The following OPCML variants were observed in gnomAD, a reference collection of about 807,000 sequenced individuals.
OPCML encodes the protein opioid binding protein/cell adhesion molecule like, also known as opioid-binding protein/cell adhesion molecule.
A neutral mutation model predicts 37.8 loss-of-function variants in OPCML; 13 were observed. The observed-to-expected ratio is 0.34, with a 90% confidence interval of 0.22 to 0.55. OPCML has a LOEUF of 0.55. Ranked by LOEUF, OPCML falls within the 20% of genes least tolerant of loss-of-function variation. OPCML has a pLI of 0.91. For synonymous variants in OPCML, 176 were observed against 168.8 expected (o/e 1.04, Z -0.33); for missense variants, 341 against 435.6 (o/e 0.78, Z 1.93).
intron 1 of OPCML, chr11:133,420,994 G>A (rs2136893646): frequency 1.0e-6 from 1 of 985,310 alleles, no homozygotes; most frequent in Non-Finnish European, 1.2e-6. Flanking sequence ...AAAGCTGCAG[G>A]AGCCTAGAAT....
intron 1 of OPCML, among the ~76,000 whole-genome samples, chr11:133,273,824 A>G (rs12421278): frequency 0.051 from 7,794 of 152,292 alleles, 225 homozygotes; most frequent in Middle Eastern, 0.071. Flanking sequence ...GTCATTATCA[A>G]TGGAATCTTT....
At chr11:133,198,002 C>T (rs189017168) in intron 1 of OPCML, among the ~76,000 whole-genome samples, 14 of 152,260 alleles carry the variant, frequency 9.2e-5, no homozygotes, top group East Asian at 1.9e-4. Flanking sequence ...CCCAGACAGA[C>T]GACCTATTTT....
In OPCML at chr11:133,005,187, T is replaced by A; in HGVS notation, c.62-62177A>T. The A allele has an allele frequency of 4.1e-6, 4 of 985,346 alleles. No individual in the cohort carries two copies. In the South Asian group the frequency reaches 1.9e-4, roughly 46 times the overall value. The allele number at this position is 985,346 out of a possible 1,614,324, so 61.0% of individuals were successfully genotyped here. ...TCCACCCAATCTCTCTAGCCCGGGTTTTCAGCCATATCCCCACTGCCAACC... is the reference window on the plus strand; with the variant it reads ...TCCACCCAATCTCTCTAGCCCGGGTATTCAGCCATATCCCCACTGCCAACC... On this transcript the variant is annotated intron_variant, in intron 1 of 7. Coordinates refer to ENST00000524381, the MANE Select transcript of OPCML (RefSeq NM_001012393.5).
chr11:132,580,630 A>T (rs80345132), intron 3 of OPCML, among the ~76,000 whole-genome samples: 13,356 of 152,228 alleles, frequency 0.088, 1,221 homozygotes, highest in African/African-American at 0.22. Context: ...ATTATCTAAT[A>T]CTAATACTTT....
chr11:132,924,051 C>T (rs369851303), intron 2 of OPCML, among the ~76,000 whole-genome samples: 2 of 151,978 alleles, frequency 1.3e-5, no homozygotes, highest in African/African-American at 4.8e-5. Flanking sequence ...GTGTGAGCCA[C>T]TGCGCCCAGC....
chr11:132,978,974 C>T (rs1591872897), intron 1 of OPCML, among the ~76,000 whole-genome samples: 1 of 152,266 alleles, frequency 6.6e-6, no homozygotes, highest in South Asian at 2.1e-4. Context: ...CAACTCACAG[C>T]CCCCACATGT....
chr11:132,806,995 A>G (rs1445032873), intron 2 of OPCML, among the ~76,000 whole-genome samples: 1 of 152,214 alleles, frequency 6.6e-6, no homozygotes, highest in African/African-American at 2.4e-5. Context: ...GTAATGAAAT[A>G]TATCAAAATG....
intron 1 of OPCML, among the ~76,000 whole-genome samples, chr11:132,994,205 G>A (rs190371562): frequency 1.1e-4 from 17 of 152,116 alleles, no homozygotes; most frequent in Middle Eastern, 3.4e-3. Flanking sequence ...TCCCCGCGCC[G>A]CAGCGGCTGG....
chr11:133,273,570 T>C (rs938367865), intron 1 of OPCML, among the ~76,000 whole-genome samples: 3 of 152,070 alleles, frequency 2.0e-5, no homozygotes, highest in South Asian at 2.1e-4. Context: ...GCTTTTTTTT[T>C]CTTTTGGCAA....
intron 2 of OPCML, among the ~76,000 whole-genome samples, chr11:132,889,259 C>G (rs547732264): frequency 1.3e-5 from 2 of 152,164 alleles, no homozygotes; most frequent in African/African-American, 2.4e-5. Context: ...TCTGTTCTTA[C>G]GTTAAAACAC....
intron 1 of OPCML, among the ~76,000 whole-genome samples, chr11:133,359,851 T>C (rs769245625): frequency 1.3e-5 from 2 of 152,228 alleles, no homozygotes. Context: ...CTGAGAATGA[T>C]AACCAGCGGA....
chr11:132,949,667 G>T (rs796170414), intron 1 of OPCML, among the ~76,000 whole-genome samples: 15 of 152,076 alleles, frequency 9.9e-5, no homozygotes, highest in African/African-American at 3.6e-4. Context: ...AATGTAACAC[G>T]ATTTTTACTT....
At chr11:132,643,181 G>T (rs955833506) in intron 3 of OPCML, among the ~76,000 whole-genome samples, 5 of 152,194 alleles carry the variant, frequency 3.3e-5, no homozygotes, top group Non-Finnish European at 7.3e-5. Flanking sequence ...GGAAGCTGAG[G>T]CATGAGAATC....
chr11:132,699,467 T>A (rs1415581934), intron 2 of OPCML, among the ~76,000 whole-genome samples: 1 of 152,126 alleles, frequency 6.6e-6, no homozygotes, highest in Non-Finnish European at 1.5e-5. Context: ...CTATAGAATA[T>A]GATGTTAGCT....
At chr11:133,366,122 A>G (rs1426407670) in intron 1 of OPCML, 1 of 152,248 alleles carries the variant, frequency 6.6e-6, no homozygotes, top group African/African-American at 2.4e-5. Context: ...ACACAGGCTA[A>G]TGGCCAGAGA....
intron 2 of OPCML, among the ~76,000 whole-genome samples, chr11:132,891,927 C>T (rs1209693266): frequency 6.6e-6 from 1 of 151,854 alleles, no homozygotes; most frequent in African/African-American, 2.4e-5. Context: ...TGTGTACCCT[C>T]CTGTCTGAGG....
intron 1 of OPCML, among the ~76,000 whole-genome samples, chr11:133,531,930 C>G (rs1244564687): frequency 6.6e-6 from 1 of 152,160 alleles, no homozygotes; most frequent in African/African-American, 2.4e-5. Flanking sequence ...GTTCAAACCC[C>G]TCTTCTCCTA....
chr11:133,363,306 G>C (rs923567017), intron 1 of OPCML, among the ~76,000 whole-genome samples: 3 of 152,182 alleles, frequency 2.0e-5, no homozygotes, highest in Admixed American at 2.0e-4. Flanking sequence ...TCGTGGAAAC[G>C]AGTCTTCGCC....
chr11:133,080,482 T>G (rs1001519956), intron 1 of OPCML, among the ~76,000 whole-genome samples: 8 of 151,594 alleles, frequency 5.3e-5, no homozygotes, highest in East Asian at 1.9e-4. Flanking sequence ...ATGTTTTTTT[T>G]TTTTTTTTTT....
Sources: allele counts gnomAD v4.1 joint callset (sites outside exome capture counted in the v4.1 genomes callset), GRCh38; gene constraint gnomAD v4.1.1; transcripts MANE v1.5; gene names NCBI Gene and HGNC (gene_info 2026-07-23, HGNC 2026-07-21).